MARCHF1: variants seen among roughly 807,000 people sequenced by gnomAD.
MARCHF1 encodes E3 ubiquitin-protein ligase MARCHF1.
MARCHF1 carries 40 observed loss-of-function variants against 54.2 expected under a neutral mutation model. The ratio of observed to expected loss-of-function variants is 0.74; its 90% CI spans 0.57 to 0.96. The LOEUF (loss-of-function observed/expected upper bound fraction) is 0.96, where lower values mean the gene tolerates loss of function less well. Ranked by LOEUF, MARCHF1 falls within the 40% of genes least tolerant of loss-of-function variation. The probability of loss-of-function intolerance (pLI) is 0.00; values close to 1 mark genes in which losing one functional copy is unlikely to be tolerated. For synonymous variants in MARCHF1, 236 were observed against 236.3 expected, an observed-to-expected ratio of 1.00 and a Z score of 0.01; for missense variants, 586 against 656.5, an observed-to-expected ratio of 0.89 and a Z score of 1.17.
At chr4:163,951,501 G>C (rs1752133553) in intron 3 of MARCHF1, among the ~76,000 whole-genome samples, 1 of 152,194 alleles carries the variant, frequency 6.6e-6, no homozygotes, top group Non-Finnish European at 1.5e-5. Context: ...GGGCAATTAA[G>C]AGGGAATGAG....
At chr4:164,162,432 A>G (rs1452093168) in intron 1 of MARCHF1, among the ~76,000 whole-genome samples, 1 of 152,144 alleles carries the variant, frequency 6.6e-6, no homozygotes, top group Admixed American at 6.6e-5. Flanking sequence ...CAGAGAGGGC[A>G]GCTGTGAGGA....
At chr4:164,281,513 A>G (rs559401852) in intron 1 of MARCHF1, among the ~76,000 whole-genome samples, 19 of 152,168 alleles carry the variant, frequency 1.2e-4, no homozygotes, top group Non-Finnish European at 1.5e-4. Flanking sequence ...AGTGTTACCC[A>G]AAAACAGAGG....
intron 1 of MARCHF1, among the ~76,000 whole-genome samples, chr4:164,255,370 CA>C (rs1435373181): frequency 1.8e-5 from 2 of 109,592 alleles, no homozygotes; most frequent in Non-Finnish European, 3.8e-5. Context: ...ATACAATGAT[CA>C]ATGAAAAGGC....
chr4:163,723,082 T>G (rs985759529), intron 4 of MARCHF1, among the ~76,000 whole-genome samples: 5 of 152,222 alleles, frequency 3.3e-5, no homozygotes, highest in Non-Finnish European at 7.3e-5. Flanking sequence ...GTTAGCTGGT[T>G]ATTTTGCTCG....
chr4:163,681,465 A>C (rs1018589724), intron 5 of MARCHF1, among the ~76,000 whole-genome samples: 3 of 152,216 alleles, frequency 2.0e-5, no homozygotes, highest in South Asian at 2.1e-4. Flanking sequence ...CTCAAATCTC[A>C]TCTTGAATTG....
chr4:163,889,617 T>G (rs1228450145), intron 3 of MARCHF1, among the ~76,000 whole-genome samples: 9 of 152,196 alleles, frequency 5.9e-5, no homozygotes, highest in Non-Finnish European at 1.2e-4. Context: ...ATTAAATTTC[T>G]CAGATTATAG....
chr4:164,269,155 G>A (rs1410676579), intron 1 of MARCHF1, among the ~76,000 whole-genome samples: 1 of 152,104 alleles, frequency 6.6e-6, no homozygotes, highest in Non-Finnish European at 1.5e-5. Flanking sequence ...AAGCAAAGTG[G>A]AGCCGGGTCA....
intron 5 of MARCHF1, among the ~76,000 whole-genome samples, chr4:163,619,515 G>A (rs1741612555): frequency 6.6e-6 from 1 of 152,158 alleles, no homozygotes; most frequent in Non-Finnish European, 1.5e-5. Flanking sequence ...ACATCTAAAT[G>A]TAGTATAATT....
chr4:164,212,884 G>GT (rs1268490915), intron 1 of MARCHF1, among the ~76,000 whole-genome samples: 2 of 152,274 alleles, frequency 1.3e-5, no homozygotes, highest in East Asian at 1.9e-4. Context: ...CAACCAATAT[G>GT]TTATGAGTCA....
chr4:164,306,019 C>T (rs561304355), intron 1 of MARCHF1, among the ~76,000 whole-genome samples: 88 of 151,996 alleles, frequency 5.8e-4, no homozygotes, highest in Admixed American at 2.4e-3. Flanking sequence ...CTGATTGTTA[C>T]GAATAATTCT....
chr4:163,701,209 C>T (rs533989558), intron 4 of MARCHF1, among the ~76,000 whole-genome samples: 1 of 152,198 alleles, frequency 6.6e-6, no homozygotes, highest in East Asian at 1.9e-4. Flanking sequence ...TCCCCTCTTG[C>T]CCTTGCAACT....
chr4:164,029,060 CT>C (rs1322196613), intron 2 of MARCHF1, among the ~76,000 whole-genome samples: 1 of 152,166 alleles, frequency 6.6e-6, no homozygotes, highest in Non-Finnish European at 1.5e-5. Context: ...CATTAATCTC[CT>C]GTGAGAAATG....
At chr4:164,014,190 C>CCA (rs71600658) in intron 2 of MARCHF1, among the ~76,000 whole-genome samples, 3 of 113,234 alleles carry the variant, frequency 2.6e-5, no homozygotes, top group African/African-American at 9.6e-5. Flanking sequence ...GACTGCATCT[C>CCA]AAAAAAAAAA....
chr4:164,296,716 T>C (rs1200859575), intron 1 of MARCHF1, among the ~76,000 whole-genome samples: 3 of 152,170 alleles, frequency 2.0e-5, no homozygotes, highest in Non-Finnish European at 4.4e-5. Flanking sequence ...AGTTACTCTG[T>C]CATCCTCAGA....
chr4:164,253,339 C>A (rs1733178900), intron 1 of MARCHF1, among the ~76,000 whole-genome samples: 1 of 152,124 alleles, frequency 6.6e-6, no homozygotes, highest in East Asian at 1.9e-4. Context: ...GTGGACTACT[C>A]AACCTTTTTG....
At chr4:163,600,138 G>A (rs556826481) in intron 7 of MARCHF1, among the ~76,000 whole-genome samples, 13 of 151,780 alleles carry the variant, frequency 8.6e-5, no homozygotes, top group Non-Finnish European at 8.8e-5. Flanking sequence ...GTATTTATAC[G>A]CACACACATA....
intron 5 of MARCHF1, among the ~76,000 whole-genome samples, chr4:163,681,467 C>T (rs987277407): frequency 5.9e-5 from 9 of 152,162 alleles, no homozygotes; most frequent in African/African-American, 2.2e-4. Context: ...CAAATCTCAT[C>T]TTGAATTGTA....
At chr4:164,276,770 A>C (rs1230194221) in intron 1 of MARCHF1, among the ~76,000 whole-genome samples, 1 of 150,130 alleles carries the variant, frequency 6.7e-6, no homozygotes, top group African/African-American at 2.4e-5. Flanking sequence ...AAATGTAAAA[A>C]ACAGTAATTG....
At position 163,612,390 on chromosome 4, in the gene MARCHF1, T is replaced by A; in HGVS notation, c.891A>T (p.Glu297Asp). 1.3e-6 allele frequency: 2 copies of A among 1,535,470 alleles called. No homozygotes were observed. The highest frequency in any genetic ancestry group is 1.7e-6 in the Non-Finnish European group (2 of 1,146,458). Residue 297 changes from glutamate (E) to aspartate (D), a missense_variant, in exon 7 of 10, where the codon GAA becomes GAT. Physicochemically the swap from Glu to Asp is conservative, Grantham distance 45 (BLOSUM62 2). Coordinates refer to ENST00000514618, the MANE Select transcript of MARCHF1 (RefSeq NM_001394959.1). ...TGCTGCCTTCTGGAACTCCCAGTAT[T>A]TCAGTGCTGGAATCTGTTTCTGAAA... ...KTFSETDSST[E>D]ILGVPEGSKD...
Sources: allele counts gnomAD v4.1 joint callset (sites outside exome capture counted in the v4.1 genomes callset), GRCh38; gene constraint gnomAD v4.1.1; transcripts MANE v1.5; gene names NCBI Gene and HGNC (gene_info 2026-07-23, HGNC 2026-07-21).